The following SEZ6L variants were observed in gnomAD, a reference collection of about 807,000 sequenced individuals.
The protein encoded by SEZ6L is seizure 6-like protein.
In SEZ6L, 37 loss-of-function variants were observed where a neutral mutation model predicts 106.2. The ratio of observed to expected loss-of-function variants is 0.35; its 90% confidence interval spans 0.27 to 0.46. The LOEUF (loss-of-function observed/expected upper bound fraction) is 0.46, where lower values mean the gene tolerates loss of function less well. Among genes scored for constraint, SEZ6L ranks in the 20% least tolerant of loss-of-function variants. SEZ6L has a pLI of 1.00. For missense variants in SEZ6L, 1,172 were observed against 1,332.8 expected, an observed-to-expected ratio of 0.88 and a Z score of 1.88; for synonymous variants, 541 against 570.4, an observed-to-expected ratio of 0.95 and a Z score of 0.73.
intron 12 of SEZ6L, among the ~76,000 whole-genome samples, chr22:26,357,642 T>A (rs2083481849): frequency 6.6e-6 from 1 of 152,172 alleles, no homozygotes; most frequent in Admixed American, 6.6e-5. Context: ...TTTTAAAATA[T>A]ATATATAGAA....
chr22:26,274,167 C>T (rs1601341957), intron 1 of SEZ6L, among the ~76,000 whole-genome samples: 1 of 152,210 alleles, frequency 6.6e-6, no homozygotes, highest in South Asian at 2.1e-4. Context: ...CTAAAGTGAT[C>T]TAAGCTTCAG....
At chr22:26,175,179 A>G (rs73879842) in intron 1 of SEZ6L, among the ~76,000 whole-genome samples, 1,858 of 152,302 alleles carry the variant, frequency 0.012, 38 homozygotes, top group African/African-American at 0.043. Flanking sequence ...CTCAATGCCT[A>G]ACACAGTCCC....
At chr22:26,245,672 C>A (rs1024592676) in intron 1 of SEZ6L, among the ~76,000 whole-genome samples, 24 of 152,172 alleles carry the variant, frequency 1.6e-4, no homozygotes, top group African/African-American at 5.8e-4. Flanking sequence ...AATGCTGGCT[C>A]TTAGAACACC....
intron 1 of SEZ6L, among the ~76,000 whole-genome samples, chr22:26,214,411 C>T (rs2078242974): frequency 6.6e-6 from 1 of 152,194 alleles, no homozygotes. Flanking sequence ...TTCTTAGCTA[C>T]TTGCATCCTA....
intron 10 of SEZ6L, among the ~76,000 whole-genome samples, chr22:26,343,112 C>T (rs992844939): frequency 4.6e-5 from 7 of 152,066 alleles, no homozygotes; most frequent in African/African-American, 1.7e-4. Flanking sequence ...CTGGGCAGTG[C>T]CCTGGGCTTC....
chr22:26,297,735 C>G lies in SEZ6L; in HGVS notation c.1162+655C>G, dbSNP rs2081341498. Among the ~76,000 whole-genome samples, 15 of 151,384 alleles carry G rather than the reference C, an allele frequency of 9.9e-5. 1 individual carries two copies. In the South Asian group the frequency reaches 3.1e-3, roughly 32 times the overall value. ...TCCTCTCTTCTCTTACTTCCTTTCT[C>G]CTTCCTTCTCTTCTCCTCCCTCTTT... On this transcript the variant is annotated intron_variant, in intron 4 of 16. Coordinates refer to ENST00000248933, the MANE Select transcript of SEZ6L (RefSeq NM_021115.5).
intron 1 of SEZ6L, among the ~76,000 whole-genome samples, chr22:26,245,942 T>TA (rs903969347): frequency 1.6e-4 from 25 of 152,354 alleles, no homozygotes; most frequent in African/African-American, 5.8e-4. Context: ...ATGATTCCTG[T>TA]AAATACTCCA....
rs943396463 is a variant in SEZ6L, at chr22:26,169,727, C to G, written c.58C>G (p.Leu20Val). Reference sequence around the variant, plus strand: ...CCGCGGGATCTCGCTGTTCCTCGCTCTGCTCCTGGGGAGCCCGGCGGCAGC... The same window carrying G: ...CCGCGGGATCTCGCTGTTCCTCGCTGTGCTCCTGGGGAGCCCGGCGGCAGC... Reference protein sequence around the residue: ...GLRGISLFLALLLGSPAAALE... With the variant: ...GLRGISLFLAVLLGSPAAALE... The change falls in exon 1 of 17, where the codon CTG (leucine) becomes GTG (valine). Residue 20 changes from leucine to valine, a missense_variant. Physicochemically the swap from Leu to Val is conservative, Grantham distance 32. Coordinates refer to ENST00000248933, the MANE Select transcript of SEZ6L (RefSeq NM_021115.5). 3.1e-6 allele frequency: 4 copies of G among 1,287,626 alleles called. No homozygotes were observed. In the African/African-American group the frequency reaches 4.6e-5, roughly 15 times the overall value. The allele number at this position is 1,287,626 out of a possible 1,614,324, so 79.8% of individuals were successfully genotyped here.
At chr22:26,205,909 T>C (rs1941247797) in intron 1 of SEZ6L, among the ~76,000 whole-genome samples, 1 of 152,134 alleles carries the variant, frequency 6.6e-6, no homozygotes. Flanking sequence ...TTCCCACTCA[T>C]GGGAACCATC....
At chr22:26,177,448 T>C (rs1049150830) in intron 1 of SEZ6L, among the ~76,000 whole-genome samples, 24 of 152,216 alleles carry the variant, frequency 1.6e-4, no homozygotes, top group African/African-American at 5.8e-4. Flanking sequence ...AAGGAAATAT[T>C]GGATGCAATT....
rs556104141 is a variant in SEZ6L at position 26,218,223 on chromosome 22, A to T, written c.94+48460A>T. 6.7e-4 allele frequency among the ~76,000 whole-genome samples: 102 copies of T among 152,194 alleles called. 1 individual carries two copies. Among genetic ancestry groups the T allele is most frequent in the African/African-American group, 2.3e-3 (96 of 41,530 alleles). On this transcript the variant is annotated intron_variant, in intron 1 of 16. Coordinates refer to ENST00000248933, the MANE Select transcript of SEZ6L (RefSeq NM_021115.5). ...AACCCTAACCAAAGCCATCTGAACC[A>T]CTAGTTTTGTTTGTTTGTTTTGTTT...
At chr22:26,190,568 A>G (rs1940124539) in intron 1 of SEZ6L, among the ~76,000 whole-genome samples, 1 of 152,188 alleles carries the variant, frequency 6.6e-6, no homozygotes, top group Admixed American at 6.5e-5. Context: ...ACAGGAATTT[A>G]TAATAGTACC....
In SEZ6L at chr22:26,294,436, G is replaced by A. The variant is rs1247147811; in HGVS notation, c.969+11G>A. 1 of 1,613,138 alleles carries A rather than the reference G, an allele frequency of 6.2e-7. No individual in the cohort carries two copies. The highest frequency in any genetic ancestry group is 1.7e-4 in the Middle Eastern group (1 of 5,982). On this transcript the variant is annotated intron_variant, in intron 3 of 16. Transcript: ENST00000248933. The stretch of plus-strand genomic sequence containing the variant: ...GGGGTGGAGCTCCAGGTAACCCCAG[G>A]AGAGTACCTCACAGAGGCTGCCTCG...
intron 9 of SEZ6L, among the ~76,000 whole-genome samples, chr22:26,322,186 T>TA (rs749857572): frequency 9.2e-5 from 14 of 152,212 alleles, no homozygotes; most frequent in Non-Finnish European, 1.6e-4. Flanking sequence ...AAATGGAGAC[T>TA]ACTATTATCA....
chr22:26,297,606 A>T (rs1421876019), intron 4 of SEZ6L, among the ~76,000 whole-genome samples: 1 of 151,446 alleles, frequency 6.6e-6, no homozygotes, highest in African/African-American at 2.4e-5. Context: ...GCGTCCACAG[A>T]CTCCTGATAA....
intron 1 of SEZ6L, among the ~76,000 whole-genome samples, chr22:26,234,495 C>T (rs1309814618): frequency 6.6e-6 from 1 of 152,170 alleles, no homozygotes; most frequent in Non-Finnish European, 1.5e-5. Flanking sequence ...TTGACGTGCT[C>T]CTTGGGAGAA....
chr22:26,267,904 C>G (rs2080241184), intron 1 of SEZ6L, among the ~76,000 whole-genome samples: 1 of 152,092 alleles, frequency 6.6e-6, no homozygotes, highest in Non-Finnish European at 1.5e-5. Context: ...TGCTGAAGAC[C>G]AACAGGAAGA....
chr22:26,220,429 G>C (rs1194279549), intron 1 of SEZ6L, among the ~76,000 whole-genome samples: 4 of 152,306 alleles, frequency 2.6e-5, no homozygotes, highest in Non-Finnish European at 4.4e-5. Flanking sequence ...CAGAGCAGCT[G>C]TTGTGTCCCC....
intron 3 of SEZ6L, among the ~76,000 whole-genome samples, chr22:26,294,975 C>CTTGA (rs1343792028): frequency 3.3e-5 from 5 of 150,288 alleles, no homozygotes; most frequent in African/African-American, 1.2e-4. Context: ...TGCTTGCTTG[C>CTTGA]TTTCCTTCAT....
Sources: allele counts gnomAD v4.1 joint callset (sites outside exome capture counted in the v4.1 genomes callset), GRCh38; gene constraint gnomAD v4.1.1; transcripts MANE v1.5; gene names NCBI Gene and HGNC (gene_info 2026-07-23, HGNC 2026-07-21).